Variants in ITGA11 observed in about 807,000 individuals in gnomAD.
The protein encoded by ITGA11 is integrin alpha-11.
ITGA11 carries 97 observed loss-of-function variants against 141.9 expected under a neutral mutation model. The ratio of observed to expected loss-of-function variants is 0.68; its 90% confidence interval spans 0.58 to 0.81. ITGA11 has a LOEUF of 0.81. Ranked by LOEUF, ITGA11 falls within the 30% of genes least tolerant of loss-of-function variation. The probability of loss-of-function intolerance (pLI) is 0.00; values close to 1 mark genes in which losing one functional copy is unlikely to be tolerated. For synonymous variants in ITGA11, 658 were observed against 624.6 expected, an observed-to-expected ratio of 1.05 and a Z score of -0.80; for missense variants, 1,387 against 1,559.2, an observed-to-expected ratio of 0.89 and a Z score of 1.86.
In ITGA11 at chr15:68,307,312, C is replaced by T. The variant is rs1191500813; in HGVS notation, c.3381+36G>A. On this transcript the variant is annotated intron_variant, in intron 28 of 29. Transcript: ENST00000315757. The surrounding 1 kb of genome is among the most constrained non-coding windows in gnomAD (Gnocchi z 6.1). ...GCCAACCCTTTCCCAAGCTGTCCGGCCTAAGCCCAGTTCTGCAGGGCTCCC... is the reference window on the plus strand; with the variant it reads ...GCCAACCCTTTCCCAAGCTGTCCGGTCTAAGCCCAGTTCTGCAGGGCTCCC... 2.1e-6 allele frequency: 3 copies of T among 1,460,722 alleles called. No individual in the cohort carries two copies. Among genetic ancestry groups the T allele is most frequent in the Non-Finnish European group, 2.8e-6 (3 of 1,065,374 alleles). The allele number at this position is 1,460,722 out of a possible 1,614,324, so 90.5% of individuals were successfully genotyped here.
chr15:68,360,754 T>C (rs935662957), intron 5 of ITGA11, among the ~76,000 whole-genome samples: 2 of 152,212 alleles, frequency 1.3e-5, no homozygotes, highest in South Asian at 2.1e-4. Flanking sequence ...CCATTTCCTC[T>C]GTCATTTTGT....
At position 68,303,830 on chromosome 15, in the gene ITGA11, A is replaced by G. The variant is rs372250584; in HGVS notation, c.3437T>C (p.Val1146Ala). ...EDWQVPIWII[V>A]GSTLGGLLLL... ...TAGGAGGCCCCCCAGGGTGCTGCCT[A>G]CAATGATCCAGATGGGGACCTGCCA... Residue 1146 changes from valine (V) to alanine (A), a missense_variant, in exon 29 of 30, where the codon GTA (valine) becomes GCA (alanine). Coordinates refer to ENST00000315757, the MANE Select transcript of ITGA11 (RefSeq NM_001004439.2). The surrounding 1 kb of genome is among the most constrained non-coding windows in gnomAD (Gnocchi z 5.3). The G allele has an allele frequency of 3.1e-6, 5 of 1,613,360 alleles. No homozygotes were observed. The highest frequency in any genetic ancestry group is 3.3e-5 in the Admixed American group (2 of 59,954).
At chr15:68,372,533 C>G (rs549050495) in intron 2 of ITGA11, among the ~76,000 whole-genome samples, 1 of 152,226 alleles carries the variant, frequency 6.6e-6, no homozygotes, top group African/African-American at 2.4e-5. Context: ...CCTGCGGAGG[C>G]GCAGGGAGCA....
chr15:68,322,009 T>C lies in ITGA11; in HGVS notation c.2323-506A>G, dbSNP rs1341593419. Reference sequence around the variant, plus strand: ...GAAGTCAGGGAAGCCTTCGAGGAAGTGACAGGGGATCAGAGTTCTGAAGGA... The same window carrying C: ...GAAGTCAGGGAAGCCTTCGAGGAAGCGACAGGGGATCAGAGTTCTGAAGGA... On this transcript the variant is annotated intron_variant, in intron 18 of 29. Transcript: ENST00000315757. The surrounding 1 kb of genome is among the most constrained non-coding windows in gnomAD (Gnocchi z 5.6). Among the ~76,000 whole-genome samples, 1 of 152,088 alleles carries C rather than the reference T, an allele frequency of 6.6e-6. No homozygotes were observed. The highest frequency in any genetic ancestry group is 2.4e-5 in the African/African-American group (1 of 41,414).
In ITGA11 at chr15:68,302,455, TCA is replaced by T. The variant is rs140033923; in HGVS notation, c.*602_*603del. The T allele has an allele frequency of 7.0e-3, 1,064 of 152,754 alleles. 6 individuals carry two copies. The highest frequency in any genetic ancestry group is 0.01 in the Non-Finnish European group (691 of 68,292). The allele number at this position is 152,754 out of a possible 1,614,324, so 9.5% of individuals were successfully genotyped here. A position where few individuals can be genotyped will look rare whatever the true frequency, so the allele number is the denominator to read the frequency against. On this transcript the variant is annotated 3_prime_UTR_variant, in exon 30 of 30. Coordinates refer to ENST00000315757, the MANE Select transcript of ITGA11 (RefSeq NM_001004439.2). The stretch of plus-strand genomic sequence containing the variant: ...TTGCCTGGCCATCAGTCTCCACATC[TCA>T]GAGTCTTTCTTCATCCCTGGCTTGC...
chr15:68,311,969 C>T (rs192537551), intron 24 of ITGA11, among the ~76,000 whole-genome samples: 1 of 152,290 alleles, frequency 6.6e-6, no homozygotes, highest in African/African-American at 2.4e-5. Context: ...TGACCCTGGG[C>T]AGCTTACTAG....
At chr15:68,375,814 C>T (rs1308298642) in intron 2 of ITGA11, among the ~76,000 whole-genome samples, 1 of 152,100 alleles carries the variant, frequency 6.6e-6, no homozygotes, top group Non-Finnish European at 1.5e-5. Context: ...TATGGCCAAA[C>T]GTCATTCTGG....
rs376261838 is a variant in ITGA11 at position 68,357,250 on chromosome 15, T to C, written c.650A>G (p.Asn217Ser). The C allele has an allele frequency of 3.3e-5, 54 of 1,613,866 alleles. No individual in the cohort carries two copies. Among genetic ancestry groups the C allele is most frequent in the Non-Finnish European group, 4.2e-5 (50 of 1,179,880 alleles). The change falls in exon 7 of 30, where the codon AAC becomes AGC. Residue 217 changes from asparagine to serine, a missense_variant. Coordinates refer to ENST00000315757, the MANE Select transcript of ITGA11 (RefSeq NM_001004439.2). ...CACATCTTTTACAGACCTGTAGTCG[T>C]TGAGGTGAAACTCATGCACCACATC... is the stretch of plus-strand genomic sequence containing the variant. ...GEDVVHEFHLNDYRSVKDVVE... is the reference protein window; with the variant it reads ...GEDVVHEFHLSDYRSVKDVVE...
At chr15:68,402,859 T>G (rs926369390) in intron 2 of ITGA11, 59 bp downstream of exon 2, 15 of 1,166,906 alleles carry the variant, frequency 1.3e-5, no homozygotes, top group Admixed American at 2.0e-5. Flanking sequence ...AGGGGCAGGA[T>G]GGAGGGGGCT....
rs989571529 is a variant in ITGA11, at chr15:68,308,741, C to G, written c.3175-1045G>C. Among the ~76,000 whole-genome samples the G allele has an allele frequency of 9.8e-5, 2 of 20,362 alleles. No homozygotes were observed. Among genetic ancestry groups the G allele is most frequent in the African/African-American group, 1.6e-4 (1 of 6,094 alleles). 13.4% of individuals were successfully genotyped at this position (20,362 alleles called of 152,430 possible). ...TGGGTGACCGAGCCAGACTCTGTCT[C>G]AAAAGAAAAGAAAAGAAAAGAAAGA... On this transcript the variant is annotated intron_variant, in intron 26 of 29. Coordinates refer to ENST00000315757, the MANE Select transcript of ITGA11 (RefSeq NM_001004439.2). This position sits in a 1 kb window ranked among gnomAD's most constrained non-coding sequence, Gnocchi z 5.2.
At chr15:68,370,922 C>G (rs1043054682) in intron 2 of ITGA11, among the ~76,000 whole-genome samples, 1 of 152,178 alleles carries the variant, frequency 6.6e-6, no homozygotes, top group Non-Finnish European at 1.5e-5. Flanking sequence ...CATTGCTCTC[C>G]CTGCCCCGGT....
At chr15:68,350,521 A>G in intron 9 of ITGA11, 96 bp downstream of exon 9, 1 of 1,211,998 alleles carries the variant, frequency 8.3e-7, no homozygotes, top group Non-Finnish European at 1.2e-6. Flanking sequence ...ACTCTTGTTA[A>G]GCCATTTCGT....
intron 22 of ITGA11, among the ~76,000 whole-genome samples, chr15:68,314,852 G>A (rs1893516648): frequency 6.6e-6 from 1 of 152,214 alleles, no homozygotes; most frequent in Non-Finnish European, 1.5e-5. Context: ...CTGCACGTGT[G>A]TGTGCTGGAA....
In ITGA11 at chr15:68,317,260, T is replaced by C. The variant is rs759997483; in HGVS notation, c.2715+5A>G. 1 of 1,593,662 alleles carries C rather than the reference T, an allele frequency of 6.3e-7. No individual in the cohort carries two copies. The highest frequency in any genetic ancestry group is 1.1e-5 in the South Asian group (1 of 90,650). On this transcript the variant is annotated splice_donor_5th_base_variant and intron_variant, in intron 21 of 29. Coordinates refer to ENST00000315757, the MANE Select transcript of ITGA11 (RefSeq NM_001004439.2). ...ACCCTCCCCCACATTGTCCCCAGTC[T>C]CAACCTTGGCCTTGGCCCGGAAGAA...
In ITGA11 at chr15:68,321,578, T is replaced by G; in HGVS notation, c.2323-75A>C. ...CCTCGCCCTCAATGTACACCAGCTC[T>G]GTCTCCACCACACTAGACATGGGCT... On this transcript the variant is annotated intron_variant, in intron 18 of 29. Coordinates refer to ENST00000315757, the MANE Select transcript of ITGA11 (RefSeq NM_001004439.2). The surrounding 1 kb of genome is among the most constrained non-coding windows in gnomAD (Gnocchi z 4.9). 2.5e-5 allele frequency: 22 copies of G among 864,474 alleles called. No homozygotes were observed. Among genetic ancestry groups the G allele is most frequent in the Non-Finnish European group, 3.7e-5 (21 of 560,166 alleles). The allele number at this position is 864,474 out of a possible 1,614,324, so 53.6% of individuals were successfully genotyped here.
chr15:68,367,530 C>T (rs1012853718), intron 3 of ITGA11, among the ~76,000 whole-genome samples: 19 of 152,122 alleles, frequency 1.2e-4, no homozygotes, highest in Non-Finnish European at 5.9e-5. Flanking sequence ...GGTAGAAATC[C>T]CTCTCCACTT....
intron 2 of ITGA11, among the ~76,000 whole-genome samples, chr15:68,391,897 A>G (rs1358208246): frequency 2.6e-5 from 4 of 152,256 alleles, no homozygotes; most frequent in Admixed American, 6.5e-5. Flanking sequence ...GTCAAAATAA[A>G]TTCTGTCTTG....
chr15:68,307,787 G>GGGGGCA lies in ITGA11; in HGVS notation c.3175-97_3175-92dup. 1.2e-6 allele frequency: 1 copy of GGGGGCA among 828,614 alleles called. No homozygotes were observed. The highest frequency in any genetic ancestry group is 1.6e-5 in the South Asian group (1 of 64,166). 51.3% of individuals were successfully genotyped at this position (828,614 alleles called of 1,614,324 possible). On this transcript the variant is annotated intron_variant, in intron 26 of 29. Coordinates refer to ENST00000315757, the MANE Select transcript of ITGA11 (RefSeq NM_001004439.2). This position sits in a 1 kb window ranked among gnomAD's most constrained non-coding sequence, Gnocchi z 6.1. ...CTTGAACGACTGGGGCTCTGCTCCT[G>GGGGGCA]GGGGCAGGGGCAGAGGACAGGGGAC... is the stretch of plus-strand genomic sequence containing the variant.
At chr15:68,390,085 C>G (rs533090560) in intron 2 of ITGA11, among the ~76,000 whole-genome samples, 16 of 152,314 alleles carry the variant, frequency 1.1e-4, no homozygotes, top group Middle Eastern at 3.4e-3. Context: ...AATTTGTTTT[C>G]TCTTTCCTTT....
Sources: allele counts gnomAD v4.1 joint callset (sites outside exome capture counted in the v4.1 genomes callset), GRCh38; gene constraint gnomAD v4.1.1; non-coding constraint Gnocchi (gnomAD v3.1); transcripts MANE v1.5; gene names NCBI Gene and HGNC (gene_info 2026-07-23, HGNC 2026-07-21).